Variants in MSN observed in about 807,000 individuals in gnomAD.
The protein encoded by MSN is epididymis luminal protein 70.
MSN carries 2 observed loss-of-function variants against 48.0 expected under a neutral mutation model. The ratio of observed to expected loss-of-function variants is 0.04; its 90% CI spans 0.02 to 0.13. The LOEUF (loss-of-function observed/expected upper bound fraction) is 0.13, where lower values mean the gene tolerates loss of function less well. MSN is among the 10% of genes least tolerant of loss of function. The probability of loss-of-function intolerance (pLI) is 1.00; values close to 1 mark genes in which losing one functional copy is unlikely to be tolerated. For missense variants in MSN, 267 were observed against 470.1 expected (o/e 0.57, Z 3.99); for synonymous variants, 146 against 166.9 (o/e 0.87, Z 0.97).
chrX:65,687,699 A>T (rs2071128608), intron 1 of MSN, among the ~76,000 whole-genome samples: 1 of 111,819 alleles, frequency 8.9e-6, no homozygotes, highest in East Asian at 2.8e-4. Context: ...ACTCAGGTAG[A>T]GGCAGCATAT....
chrX:65,688,201 C>A (rs2147471154), intron 1 of MSN, among the ~76,000 whole-genome samples: 1 of 111,691 alleles, frequency 9.0e-6, no homozygotes, highest in South Asian at 3.8e-4. Flanking sequence ...TGATATTCAT[C>A]AACTCTCTAC....
intron 2 of MSN, 66 bp downstream of exon 2, chrX:65,716,967 C>T: frequency 1.0e-6 from 1 of 992,901 alleles, no homozygotes; most frequent in Non-Finnish European, 1.4e-6. Flanking sequence ...GCCAACAATC[C>T]ATGACTTTTG....
chrX:65,597,219 C>CT (rs201889292), intron 1 of MSN, among the ~76,000 whole-genome samples: 279 of 100,849 alleles, frequency 2.8e-3, no homozygotes, highest in African/African-American at 6.5e-3. Context: ...TTCTTTCTTT[C>CT]TTTTTTTTTT....
chrX:65,728,695 C>G (rs1018921686), intron 3 of MSN, among the ~76,000 whole-genome samples: 2 of 111,659 alleles, frequency 1.8e-5, no homozygotes, highest in Non-Finnish European at 3.8e-5. Flanking sequence ...CAACTAATGT[C>G]TGAACCCCAT....
upstream of MSN, among the ~76,000 whole-genome samples, chrX:65,663,724 A>G (rs2070842686): frequency 9.0e-6 from 1 of 111,353 alleles, no homozygotes; most frequent in South Asian, 3.8e-4. Context: ...CCCATGATCA[A>G]TGGTTGACTG....
At chrX:65,703,676 T>C (rs962662752) in intron 1 of MSN, among the ~76,000 whole-genome samples, 4 of 112,179 alleles carry the variant, frequency 3.6e-5, no homozygotes, top group Admixed American at 2.8e-4. Context: ...GCGATTCTCA[T>C]GCCTCAGCCT....
At position 65,636,776 on chromosome X, in the gene MSN, C is replaced by CAAAAAA. The variant is rs2070604946; in HGVS notation, c.-22+48165_-22+48166insAAAAAA. Among the ~76,000 whole-genome samples the CAAAAAA allele has an allele frequency of 7.2e-4, 60 of 82,857 alleles. 1 individual carries two copies. The highest frequency in any genetic ancestry group is 3.4e-3 in the African/African-American group (57 of 16,580). The allele number at this position is 82,857 out of a possible 115,157, so 72.0% of individuals were successfully genotyped here. A position where few individuals can be genotyped will look rare whatever the true frequency, so the allele number is the denominator to read the frequency against. On this transcript the variant is annotated intron_variant, in intron 1 of 3. Coordinates refer to the MSN transcript ENST00000609672. ...AAAAAAAAAAAAAAAAAAAAAAAAC[C>CAAAAAA]AGAAAGAAAGAAAAGAAAAGAAGGG...
chrX:65,668,947 G>C (rs1360419303), intron 1 of MSN, among the ~76,000 whole-genome samples: 3 of 111,034 alleles, frequency 2.7e-5, no homozygotes, highest in Non-Finnish European at 5.7e-5. Flanking sequence ...GTGACTAGTA[G>C]CCTTGAAAAG....
At chrX:65,629,932 A>T (rs764602519) in intron 1 of MSN, among the ~76,000 whole-genome samples, 1 of 111,661 alleles carries the variant, frequency 9.0e-6, no homozygotes, top group Non-Finnish European at 1.9e-5. Flanking sequence ...TAATCCTAGC[A>T]CTTTGGGAGG....
intron 1 of MSN, among the ~76,000 whole-genome samples, chrX:65,638,662 C>T (rs760737891): frequency 1.8e-5 from 2 of 112,904 alleles, no homozygotes; most frequent in East Asian, 5.5e-4. Context: ...TTAAGTGATC[C>T]TCCCACCTCA....
intron 10 of MSN, among the ~76,000 whole-genome samples, chrX:65,737,796 A>G (rs1194123884): frequency 1.1e-5 from 1 of 94,725 alleles, no homozygotes; most frequent in Non-Finnish European, 1.9e-5. Context: ...TTGTAGCTAA[A>G]TAAGGATTAG....
intron 1 of MSN, among the ~76,000 whole-genome samples, chrX:65,669,449 C>T (rs1368920976): frequency 9.0e-6 from 1 of 111,657 alleles, no homozygotes; most frequent in Non-Finnish European, 1.9e-5. Flanking sequence ...CACTTTGAAA[C>T]ACAGCTTCAT....
At chrX:65,588,634 G>A (rs899906885) in intron 1 of MSN, 2 of 792,886 alleles carry the variant, frequency 2.5e-6, no homozygotes, top group African/African-American at 4.4e-5. Flanking sequence ...GGGGCTGGCT[G>A]AGGGTTGGGA....
intron 1 of MSN, among the ~76,000 whole-genome samples, chrX:65,660,449 C>T (rs1297063611): frequency 9.0e-6 from 1 of 111,711 alleles, no homozygotes; most frequent in Non-Finnish European, 1.9e-5. Flanking sequence ...AGTTTGACTT[C>T]TTCCTTTCCT....
intron 1 of MSN, among the ~76,000 whole-genome samples, chrX:65,713,576 A>G (rs2071434033): frequency 1.8e-5 from 2 of 111,967 alleles, no homozygotes; most frequent in Non-Finnish European, 3.8e-5. Context: ...AAGGTTGTAG[A>G]TTTGACCAGC....
Position 65,740,637 on chromosome X carries a change from C to A in MSN, c.*744C>A. ...GCAAGGCTGAGTAGAAGATCCTACCCCAATTCCTTGTAGGAGTATAGGCCG... is the reference window on the plus strand; with the variant it reads ...GCAAGGCTGAGTAGAAGATCCTACCACAATTCCTTGTAGGAGTATAGGCCG... On this transcript the variant is annotated 3_prime_UTR_variant, in exon 13 of 13. Transcript: ENST00000360270. The A allele has an allele frequency of 5.7e-6, 1 of 173,931 alleles. No homozygotes were observed. The highest frequency in any genetic ancestry group is 1.1e-5 in the Non-Finnish European group (1 of 90,656). 14.3% of individuals were successfully genotyped at this position (173,931 alleles called of 1,213,427 possible).
intron 1 of MSN, among the ~76,000 whole-genome samples, chrX:65,686,374 C>A (rs2071115195): frequency 8.9e-6 from 1 of 112,382 alleles, no homozygotes; most frequent in Non-Finnish European, 1.9e-5. Context: ...AATCCTGGAA[C>A]CTCTGCTACC....
chrX:65,685,121 G>T (rs1489757567), intron 1 of MSN, among the ~76,000 whole-genome samples: 1 of 112,187 alleles, frequency 8.9e-6, no homozygotes. Context: ...TTGTAATGAG[G>T]ATTTGTCTGT....
chrX:65,732,106 C>G (rs1569468164), intron 6 of MSN, 122 bp downstream of exon 6: 2 of 756,967 alleles, frequency 2.6e-6, no homozygotes, highest in African/African-American at 4.2e-5. Flanking sequence ...CTAATTTAGT[C>G]CAGCCCAGAT....
Sources: allele counts gnomAD v4.1 joint callset (sites outside exome capture counted in the v4.1 genomes callset), GRCh38; gene constraint gnomAD v4.1.1; transcripts MANE v1.5; gene names NCBI Gene and HGNC (gene_info 2026-07-23, HGNC 2026-07-21).